SPRY3: variants seen among roughly 807,000 people sequenced by gnomAD.
SPRY3 encodes protein sprouty homolog 3.
A neutral mutation model predicts 20.2 loss-of-function variants in SPRY3; 15 were observed. That is an observed-to-expected ratio of 0.74 (90% CI 0.50 to 1.14). The LOEUF (loss-of-function observed/expected upper bound fraction) is 1.14, where lower values mean the gene tolerates loss of function less well. SPRY3 is among the 50% of genes most tolerant of loss of function. SPRY3 has a pLI of 0.00. For missense variants in SPRY3, 364 were observed against 363.9 expected, an observed-to-expected ratio of 1.00 and a Z score of 0.00; for synonymous variants, 143 against 136.5, an observed-to-expected ratio of 1.05 and a Z score of -0.33.
At chrX:155,733,468 A>G (rs1443433896) in intron 2 of SPRY3, among the ~76,000 whole-genome samples, 1 of 151,596 alleles carries the variant, frequency 6.6e-6, no homozygotes, top group Admixed American at 6.6e-5. Context: ...ATTAAAAATT[A>G]AAAAAAACAT....
At chrX:155,633,536 C>T (rs1042780595) in intron 1 of SPRY3, among the ~76,000 whole-genome samples, 11 of 110,715 alleles carry the variant, frequency 9.9e-5, no homozygotes, top group African/African-American at 3.3e-4. Flanking sequence ...AGCCATTTAC[C>T]GTGGTGACAG....
intron 2 of SPRY3, among the ~76,000 whole-genome samples, chrX:155,745,844 A>G (rs2091223006): frequency 1.3e-5 from 2 of 152,032 alleles, no homozygotes; most frequent in African/African-American, 4.8e-5. Context: ...GCTCAGAAAC[A>G]CTGGGTAGGA....
intron 2 of SPRY3, among the ~76,000 whole-genome samples, chrX:155,688,963 A>G (rs5940558): frequency 0.18 from 15,323 of 86,651 alleles, 4,415 homozygotes; most frequent in African/African-American, 0.6. Flanking sequence ...AGAGTTGCTC[A>G]GCTTTTTCTT....
chrX:155,761,367 C>CAA (rs201013981), intron 2 of SPRY3, among the ~76,000 whole-genome samples: 1 of 151,340 alleles, frequency 6.6e-6, no homozygotes, highest in African/African-American at 2.4e-5. Flanking sequence ...ATTTTAGATT[C>CAA]AAAAAAAACA....
At chrX:155,739,960 A>G (rs951664805) in intron 2 of SPRY3, among the ~76,000 whole-genome samples, 3 of 152,166 alleles carry the variant, frequency 2.0e-5, no homozygotes, top group African/African-American at 7.2e-5. Context: ...AACTGGGCTG[A>G]GGCTGAGATG....
intron 2 of SPRY3, among the ~76,000 whole-genome samples, chrX:155,708,721 G>A (rs1387209066): frequency 6.6e-6 from 1 of 151,312 alleles, no homozygotes; most frequent in East Asian, 1.9e-4. Flanking sequence ...ACCCCATCAA[G>A]CATTTATCCT....
chrX:155,777,273 G>C (rs982491761), downstream of SPRY3: 1 of 166,790 alleles, frequency 6.0e-6, no homozygotes, highest in Non-Finnish European at 1.5e-5. Flanking sequence ...TTATTCTATG[G>C]ATGTTTGCTT....
At chrX:155,616,132 T>TCTCTCTCTCTCTCTCTCTC (rs1569562349) in intron 1 of SPRY3, among the ~76,000 whole-genome samples, 429 of 29,473 alleles carry the variant, frequency 0.015, 5 homozygotes, top group African/African-American at 0.024. Context: ...CTCTCTCTCC[T>TCTCTCTCTCTCTCTCTCTC]CTCTCTCTCT....
chrX:155,765,661 G>A (rs2091323581), intron 2 of SPRY3, among the ~76,000 whole-genome samples: 1 of 152,130 alleles, frequency 6.6e-6, no homozygotes, highest in African/African-American at 2.4e-5. Flanking sequence ...TAAGAAGGCT[G>A]AATAATCCCA....
intron 2 of SPRY3, among the ~76,000 whole-genome samples, chrX:155,679,953 G>A (rs974642073): frequency 9.0e-6 from 1 of 110,656 alleles, no homozygotes; most frequent in African/African-American, 3.3e-5. Context: ...CCAAAGTCAT[G>A]AGTGTCTGCT....
At chrX:155,764,157 AG>A (rs2091315315) in intron 2 of SPRY3, among the ~76,000 whole-genome samples, 1 of 152,328 alleles carries the variant, frequency 6.6e-6, no homozygotes, top group African/African-American at 2.4e-5. Context: ...TGCCTTAAAA[AG>A]AGAAAGAAGG....
At chrX:155,748,026 A>C (rs1410569147) in intron 2 of SPRY3, among the ~76,000 whole-genome samples, 1 of 151,916 alleles carries the variant, frequency 6.6e-6, no homozygotes, top group African/African-American at 2.4e-5. Flanking sequence ...ACTGGTAACA[A>C]ACAGTTTTGG....
At chrX:155,620,253 C>T (rs1436660719) in intron 1 of SPRY3, among the ~76,000 whole-genome samples, 5 of 111,374 alleles carry the variant, frequency 4.5e-5, no homozygotes, top group Non-Finnish European at 9.5e-5. Context: ...CTTAGTTAAA[C>T]ACACTTTATA....
chrX:155,780,697 G>A (rs1281981708), downstream of SPRY3: 1 of 166,856 alleles, frequency 6.0e-6, no homozygotes, highest in Non-Finnish European at 1.5e-5. Flanking sequence ...TTTTACTCTA[G>A]AGATTAGTTG....
chrX:155,772,198 C>A (rs1207962689), intron 3 of SPRY3, among the ~76,000 whole-genome samples: 1 of 152,148 alleles, frequency 6.6e-6, no homozygotes, highest in Non-Finnish European at 1.5e-5. Flanking sequence ...TTATTTGTAA[C>A]CAAATTAAAT....
intron 1 of SPRY3, among the ~76,000 whole-genome samples, chrX:155,643,061 CT>C (rs2067947171): frequency 9.0e-6 from 1 of 111,717 alleles, no homozygotes; most frequent in African/African-American, 3.2e-5. Context: ...CTGTCCAATG[CT>C]GAAAGTTGTG....
At chrX:155,738,486 A>G (rs1277449411) in intron 2 of SPRY3, among the ~76,000 whole-genome samples, 1 of 152,166 alleles carries the variant, frequency 6.6e-6, no homozygotes, top group Non-Finnish European at 1.5e-5. Context: ...AGGAATGAAA[A>G]TGGTGAGTGA....
chrX:155,639,768 A>C (rs2067935299), intron 1 of SPRY3, among the ~76,000 whole-genome samples: 1 of 111,815 alleles, frequency 8.9e-6, no homozygotes, highest in Non-Finnish European at 1.9e-5. Context: ...TTTTATTTTT[A>C]AGTTTTTGAG....
chrX:155,759,376 A>C (rs2091295468), intron 2 of SPRY3, among the ~76,000 whole-genome samples: 1 of 151,972 alleles, frequency 6.6e-6, no homozygotes, highest in South Asian at 2.1e-4. Flanking sequence ...AATCTCCTCA[A>C]TTACTGCATT....
Sources: gnomAD v4.1 joint callset for allele counts (sites outside exome capture counted in the v4.1 genomes callset) on GRCh38, gnomAD v4.1.1 for gene constraint, MANE v1.5 for transcripts, NCBI Gene and HGNC (gene_info 2026-07-23, HGNC 2026-07-21) for gene names.